The following ANKIB1 variants were observed in gnomAD, a reference collection of about 807,000 sequenced individuals.
ANKIB1 encodes the protein ankyrin repeat and IBR domain containing 1, also known as ankyrin repeat and IBR domain-containing protein 1.
A neutral mutation model predicts 122.1 loss-of-function variants in ANKIB1; 43 were observed. The ratio of observed to expected loss-of-function variants is 0.35; its 90% CI spans 0.28 to 0.45. The LOEUF (loss-of-function observed/expected upper bound fraction) is 0.45. Among genes scored for constraint, ANKIB1 ranks in the 20% least tolerant of loss-of-function variants. The probability of loss-of-function intolerance (pLI) is 1.00; values close to 1 mark genes in which losing one functional copy is unlikely to be tolerated. For missense variants in ANKIB1, 992 were observed against 1,329.5 expected, an observed-to-expected ratio of 0.75 and a Z score of 3.95; for synonymous variants, 390 against 442.0, an observed-to-expected ratio of 0.88 and a Z score of 1.48.
intron 9 of ANKIB1, 55 bp downstream of exon 9, chr7:92,352,697 T>A (rs962160706): frequency 8.5e-6 from 13 of 1,534,222 alleles, no homozygotes; most frequent in Non-Finnish European, 1.1e-5. Context: ...CAATAGTTAT[T>A]AAAGACTTTG....
chr7:92,308,933 C>G (rs1802628068), intron 3 of ANKIB1, among the ~76,000 whole-genome samples: 2 of 151,950 alleles, frequency 1.3e-5, no homozygotes, highest in African/African-American at 4.8e-5. Context: ...AAATATATAC[C>G]TGAAAATTTC....
chr7:92,289,133 G>A (rs1185503585), intron 1 of ANKIB1, among the ~76,000 whole-genome samples: 2 of 152,162 alleles, frequency 1.3e-5, no homozygotes, highest in Non-Finnish European at 2.9e-5. Context: ...ATAAGTGAAT[G>A]ATTAAACAAG....
chr7:92,330,088 C>T (rs1382609634), intron 5 of ANKIB1, among the ~76,000 whole-genome samples: 2 of 152,118 alleles, frequency 1.3e-5, no homozygotes, highest in Admixed American at 6.6e-5. Context: ...TTTACCAATC[C>T]GAATTGTCCT....
intron 5 of ANKIB1, among the ~76,000 whole-genome samples, chr7:92,331,873 C>T (rs1415458205): frequency 6.6e-6 from 1 of 152,068 alleles, no homozygotes; most frequent in East Asian, 1.9e-4. Context: ...TCAGCCAAAT[C>T]ATATAGTGTT....
intron 1 of ANKIB1, among the ~76,000 whole-genome samples, chr7:92,291,551 C>T (rs918764675): frequency 6.7e-6 from 1 of 149,754 alleles, no homozygotes; most frequent in Non-Finnish European, 1.5e-5. Context: ...CATCAACAGG[C>T]TACATTTTTC....
intron 7 of ANKIB1, among the ~76,000 whole-genome samples, chr7:92,349,647 G>T (rs1180523618): frequency 6.6e-6 from 1 of 151,718 alleles, no homozygotes; most frequent in Non-Finnish European, 1.5e-5. Flanking sequence ...CTTTTCTAAG[G>T]GCAGTACTAA....
intron 11 of ANKIB1, among the ~76,000 whole-genome samples, chr7:92,372,615 A>C (rs574164738): frequency 3.4e-4 from 52 of 152,132 alleles, no homozygotes; most frequent in Non-Finnish European, 5.1e-4. Context: ...CACTTGGCTG[A>C]AAAATACTTA....
chr7:92,375,877 C>T (rs143684925), intron 11 of ANKIB1, among the ~76,000 whole-genome samples: 4 of 152,314 alleles, frequency 2.6e-5, no homozygotes, highest in African/African-American at 9.6e-5. Context: ...TCAAAATGAC[C>T]GCTTAATCCA....
intron 1 of ANKIB1, among the ~76,000 whole-genome samples, chr7:92,264,161 GT>G (rs532523170): frequency 1.7e-4 from 23 of 136,750 alleles, no homozygotes; most frequent in South Asian, 7.1e-4. Flanking sequence ...TTTCGTCGTC[GT>G]TTTTTTTTTT....
chr7:92,368,107 G>A (rs1032957831), intron 10 of ANKIB1, among the ~76,000 whole-genome samples: 1 of 152,044 alleles, frequency 6.6e-6, no homozygotes, highest in African/African-American at 2.4e-5. Context: ...AGTGAGCTAT[G>A]ATTGCACCAC....
At position 92,246,504 on chromosome 7, in the gene ANKIB1, A is replaced by T. The variant is rs1487925947; in HGVS notation, c.-106A>T. The stretch of plus-strand genomic sequence containing the variant: ...GCTGGGTCCACCGACCCTTACCCTC[A>T]GCGAGAGAAGTAACCGTAAGTCTCA... On this transcript the variant is annotated 5_prime_UTR_variant, in exon 1 of 20. Transcript: ENST00000265742. 1.4e-5 allele frequency: 7 copies of T among 518,366 alleles called. No homozygotes were observed. The highest frequency in any genetic ancestry group is 2.3e-5 in the Non-Finnish European group (6 of 259,818). The allele number at this position is 518,366 out of a possible 1,614,324, so 32.1% of individuals were successfully genotyped here.
intron 3 of ANKIB1, among the ~76,000 whole-genome samples, chr7:92,316,656 A>G (rs1326306595): frequency 2.0e-5 from 3 of 152,196 alleles, no homozygotes; most frequent in East Asian, 1.9e-4. Context: ...TAGTTTACCA[A>G]TCATTCTCAC....
intron 4 of ANKIB1, among the ~76,000 whole-genome samples, chr7:92,324,095 T>G (rs914519042): frequency 1.3e-5 from 2 of 152,224 alleles, no homozygotes; most frequent in African/African-American, 2.4e-5. Context: ...TTAATGTTTA[T>G]AGGACTTTCT....
At chr7:92,385,345 T>A (rs1056980096) in intron 11 of ANKIB1, among the ~76,000 whole-genome samples, 1 of 152,204 alleles carries the variant, frequency 6.6e-6, no homozygotes, top group Non-Finnish European at 1.5e-5. Flanking sequence ...TATCTAGAAC[T>A]AGAAATACCA....
chr7:92,398,138 A>G (rs926250184), intron 19 of ANKIB1, 74 bp from the exon 20 acceptor site: 18 of 1,433,502 alleles, frequency 1.3e-5, no homozygotes, highest in Non-Finnish European at 1.6e-5. Flanking sequence ...TAAAGGAAGA[A>G]TGGTAAACCT....
chr7:92,291,533 C>T (rs1802248429), intron 1 of ANKIB1, among the ~76,000 whole-genome samples: 1 of 149,414 alleles, frequency 6.7e-6, no homozygotes, highest in Non-Finnish European at 1.5e-5. Context: ...GTAAAGCTTT[C>T]TGGAGTCCAT....
Position 92,388,046 on chromosome 7 carries a change from G to C in ANKIB1, c.1906+5G>C. ...TGAGCAGAGCTCTCAAAGAAAGTAA[G>C]TTATAAGTTGTATGTGTGATAATTA... is the stretch of plus-strand genomic sequence containing the variant. On this transcript the variant is annotated splice_donor_5th_base_variant and intron_variant, in intron 14 of 19. Coordinates refer to ENST00000265742, the MANE Select transcript of ANKIB1 (RefSeq NM_019004.2). 1 of 1,557,952 alleles carries C rather than the reference G, an allele frequency of 6.4e-7. No individual in the cohort carries two copies. Among genetic ancestry groups the C allele is most frequent in the Non-Finnish European group, 8.7e-7 (1 of 1,149,676 alleles).
chr7:92,291,060 G>A (rs1257348913), intron 1 of ANKIB1, among the ~76,000 whole-genome samples: 2 of 152,178 alleles, frequency 1.3e-5, no homozygotes, highest in East Asian at 1.9e-4. Context: ...TTGGAAGGCC[G>A]AGGTGGGCAG....
At chr7:92,276,744 G>C (rs536930348) in intron 1 of ANKIB1, among the ~76,000 whole-genome samples, 2 of 152,220 alleles carry the variant, frequency 1.3e-5, no homozygotes, top group Admixed American at 6.5e-5. Flanking sequence ...GCACATATCT[G>C]GTTAAGTTGA....
Sources: gnomAD v4.1 joint callset for allele counts (sites outside exome capture counted in the v4.1 genomes callset) on GRCh38, gnomAD v4.1.1 for gene constraint, MANE v1.5 for transcripts, NCBI Gene and HGNC (gene_info 2026-07-23, HGNC 2026-07-21) for gene names.